GSN: variants seen among roughly 807,000 people sequenced by gnomAD.
GSN encodes actin-depolymerizing factor.
GSN carries 56 observed loss-of-function variants against 85.7 expected under a neutral mutation model. The ratio of observed to expected loss-of-function variants is 0.65; its 90% CI spans 0.53 to 0.82. The LOEUF is 0.82. Among genes scored for constraint, GSN ranks in the 40% least tolerant of loss-of-function variants. The pLI is 0.00. For missense variants in GSN, 857 were observed against 979.8 expected (o/e 0.87, Z 1.67); for synonymous variants, 373 against 399.1 (o/e 0.93, Z 0.78).
chr9:121,255,380 C>T (rs917475065), intron 6 of GSN, among the ~76,000 whole-genome samples: 2 of 152,104 alleles, frequency 1.3e-5, no homozygotes, highest in Non-Finnish European at 2.9e-5. Context: ...TGGGAGTAGG[C>T]GTGCGCCACG....
intron 4 of GSN, among the ~76,000 whole-genome samples, chr9:121,225,217 C>T (rs1218086365): frequency 6.6e-6 from 1 of 152,110 alleles, no homozygotes; most frequent in Non-Finnish European, 1.5e-5. Context: ...AAAGTTTTAA[C>T]AAATTGGACT....
intron 4 of GSN, among the ~76,000 whole-genome samples, chr9:121,212,508 T>C (rs2053986208): frequency 6.6e-6 from 1 of 152,220 alleles, no homozygotes; most frequent in Non-Finnish European, 1.5e-5. Flanking sequence ...GCCTTCAAGG[T>C]TGACTCTGGG....
chr9:121,269,674 T>G (rs1270681330), intron 1 of GSN, among the ~76,000 whole-genome samples: 2 of 152,196 alleles, frequency 1.3e-5, no homozygotes, highest in African/African-American at 4.8e-5. Flanking sequence ...AGGGAAATTG[T>G]AAACAGCCAG....
intron 5 of GSN, among the ~76,000 whole-genome samples, chr9:121,241,048 A>C (rs10760160): frequency 0.38 from 57,738 of 152,100 alleles, 13,649 homozygotes; most frequent in East Asian, 0.62. Flanking sequence ...AACTTCAACC[A>C]AGTATCAAGT....
chr9:121,331,480 G>A, intron 17 of GSN, 32 bp downstream of exon 17: 4 of 1,166,808 alleles, frequency 3.4e-6, no homozygotes, highest in South Asian at 2.5e-5. Flanking sequence ...GGCGGGGGGA[G>A]GGGTCCGTTG....
the GSN span, among the ~76,000 whole-genome samples, chr9:121,202,238 C>T: frequency 7.6e-3 from 1,158 of 152,354 alleles, 13 homozygotes; most frequent in Non-Finnish European, 0.011. Context: ...CAACATTTAC[C>T]ACTTATTGGA....
upstream of GSN, among the ~76,000 whole-genome samples, chr9:121,264,486 A>G (rs916348764): frequency 6.6e-6 from 1 of 152,220 alleles, no homozygotes; most frequent in African/African-American, 2.4e-5. Flanking sequence ...TTGAGCAATC[A>G]GTTCGTAAGA....
chr9:121,280,034 G>T (rs1366537251), intron 1 of GSN: 1 of 152,248 alleles, frequency 6.6e-6, no homozygotes, highest in African/African-American at 2.4e-5. Context: ...CAAGTCATCA[G>T]GACTGTCTGA....
In GSN at chr9:121,214,934, C is replaced by T. The variant is rs138112940; in HGVS notation, c.-528+4067C>T. ...CCTAGGGCTGCTATAATAAAAGTAC[C>T]ATGAACTGGGTGGCTTGCAATAACA... is the stretch of plus-strand genomic sequence containing the variant. On this transcript the variant is annotated intron_variant, in intron 4 of 24. Transcript: ENST00000373823. 2.1e-3 allele frequency among the ~76,000 whole-genome samples: 316 copies of T among 152,302 alleles called. 5 individuals are homozygous for T. The East Asian group carries it at 0.046, about 22-fold the overall frequency.
chr9:121,278,307 A>G lies in GSN; in HGVS notation c.-102-3163A>G, dbSNP rs78612705. Among the ~76,000 whole-genome samples, 28 of 152,292 alleles carry G rather than the reference A, an allele frequency of 1.8e-4. 1 individual carries two copies. In the East Asian group the frequency reaches 5.4e-3, roughly 29 times the overall value. On this transcript the variant is annotated intron_variant, in intron 1 of 17. Coordinates refer to ENST00000432226, the MANE Select transcript of GSN (RefSeq NM_198252.3). Reference sequence around the variant, plus strand: ...TTTAACGCTTGGAAGGTGCACAGAAAATGATAACTATTGTTATTAGGGGTG... The same window carrying G: ...TTTAACGCTTGGAAGGTGCACAGAAGATGATAACTATTGTTATTAGGGGTG...
intron 2 of GSN, 125 bp downstream of exon 2, chr9:121,281,687 C>T (rs936970705): frequency 4.2e-6 from 2 of 471,108 alleles, no homozygotes; most frequent in African/African-American, 4.0e-5. Context: ...GTGGGAGTCC[C>T]TGAGGTCTTC....
At chr9:121,227,222 C>T (rs528527561) in intron 4 of GSN, among the ~76,000 whole-genome samples, 2 of 152,094 alleles carry the variant, frequency 1.3e-5, no homozygotes, top group South Asian at 2.1e-4. Context: ...GGTGAAACCC[C>T]GACTCTACTA....
rs1273070076 is a variant in GSN at position 121,214,191 on chromosome 9, T to C, written c.-528+3324T>C. ...TCTCCCTTCTCTCCTCCTCCTTTCT[T>C]TCCTTCCTTCCTTCCTTCCTTCCTC... On this transcript the variant is annotated intron_variant, in intron 4 of 24. Transcript: ENST00000373823. 8.8e-5 allele frequency among the ~76,000 whole-genome samples: 11 copies of C among 124,768 alleles called. No homozygotes were observed. In the Admixed American group the frequency reaches 1.1e-3, roughly 12 times the overall value. The allele number at this position is 124,768 out of a possible 152,430, so 81.9% of individuals were successfully genotyped here.
chr9:121,310,585 C>T (rs1456914880), intron 4 of GSN, 99 bp from the exon 5 acceptor site: 1 of 1,173,636 alleles, frequency 8.5e-7, no homozygotes, highest in Non-Finnish European at 1.3e-6. Context: ...CCCTGGTCCA[C>T]AAGCCAGAAT....
At chr9:121,212,069 C>A (rs371259828) in intron 4 of GSN, among the ~76,000 whole-genome samples, 1 of 152,142 alleles carries the variant, frequency 6.6e-6, no homozygotes, top group African/African-American at 2.4e-5. Flanking sequence ...CCTTCAGTGA[C>A]CACCTTCCCG....
chr9:121,326,754 C>T (rs1589220545), intron 13 of GSN, 72 bp downstream of exon 13: 5 of 1,314,844 alleles, frequency 3.8e-6, no homozygotes, highest in African/African-American at 2.9e-5. Context: ...ACCAGATCTC[C>T]AGGCACAGGA....
chr9:121,279,364 T>C (rs2057056094), intron 1 of GSN, among the ~76,000 whole-genome samples: 1 of 152,090 alleles, frequency 6.6e-6, no homozygotes. Context: ...GGGCTTGCTC[T>C]AAGGAGGATG....
Position 121,327,186 on chromosome 9 carries a change from T to C in GSN, c.1588-122T>C, listed in dbSNP as rs115709383. On this transcript the variant is annotated intron_variant, in intron 13 of 17. Coordinates refer to ENST00000432226, the MANE Select transcript of GSN (RefSeq NM_198252.3). ...CCAAAGTCTGTGCCCTCAGCTCTGA[T>C]GGGCTGTGTTCCTCCAAGTCCCCAC... 2.3e-3 allele frequency: 1,923 copies of C among 850,454 alleles called. 32 individuals are homozygous for C. In the African/African-American group the frequency reaches 0.028, roughly 12 times the overall value. 52.7% of individuals were successfully genotyped at this position (850,454 alleles called of 1,614,324 possible).
intron 5 of GSN, 169 bp from the exon 6 acceptor site, chr9:121,312,170 C>T: frequency 1.4e-6 from 1 of 704,694 alleles, no homozygotes; most frequent in Non-Finnish European, 2.5e-6. Context: ...GTGCAGATCA[C>T]ACTTAATTGT....
Sources: allele counts gnomAD v4.1 joint callset (sites outside exome capture counted in the v4.1 genomes callset), GRCh38; gene constraint gnomAD v4.1.1; transcripts MANE v1.5; gene names NCBI Gene and HGNC (gene_info 2026-07-23, HGNC 2026-07-21).